ATOSA: variants seen among roughly 807,000 people sequenced by gnomAD.
The protein encoded by ATOSA is atos homolog protein A.
At chr15:52,645,210 A>T in the ATOSA span, among the ~76,000 whole-genome samples, 2 of 152,224 alleles carry the variant, frequency 1.3e-5, no homozygotes, top group African/African-American at 4.8e-5. Flanking sequence ...AGGCCGAGGC[A>T]GGCACATCAC....
the ATOSA span, among the ~76,000 whole-genome samples, chr15:52,675,344 C>T: frequency 6.6e-6 from 1 of 152,118 alleles, no homozygotes; most frequent in Non-Finnish European, 1.5e-5. Context: ...TTGACCAATG[C>T]TCCCCACACC....
the ATOSA span, among the ~76,000 whole-genome samples, chr15:52,655,276 TAGTC>T: frequency 6.6e-6 from 1 of 152,172 alleles, no homozygotes; most frequent in Non-Finnish European, 1.5e-5. Flanking sequence ...TCCCATGTAT[TAGTC>T]ATTCAATAAC....
the ATOSA span, among the ~76,000 whole-genome samples, chr15:52,659,555 T>C: frequency 6.6e-6 from 1 of 152,346 alleles, no homozygotes; most frequent in Non-Finnish European, 1.5e-5. Flanking sequence ...AAGCATCCCA[T>C]GTTGTCAATC....
chr15:52,651,437 C>A, the ATOSA span, among the ~76,000 whole-genome samples: 1 of 152,162 alleles, frequency 6.6e-6, no homozygotes, highest in South Asian at 2.1e-4. Context: ...TTGTCAAATT[C>A]AGAAACATGA....
the ATOSA span, among the ~76,000 whole-genome samples, chr15:52,703,745 G>A: frequency 6.6e-6 from 1 of 152,138 alleles, no homozygotes; most frequent in East Asian, 1.9e-4. Context: ...TAATGTAAAT[G>A]ACGAGTTGAT....
chr15:52,670,618 T>C, the ATOSA span, among the ~76,000 whole-genome samples: 1 of 152,180 alleles, frequency 6.6e-6, no homozygotes, highest in Non-Finnish European at 1.5e-5. Context: ...TTAATCCAAG[T>C]GAATCTCTAG....
At chr15:52,668,643 T>C in the ATOSA span, among the ~76,000 whole-genome samples, 2 of 152,174 alleles carry the variant, frequency 1.3e-5, no homozygotes, top group South Asian at 2.1e-4. Context: ...AACATATATA[T>C]GTATTGGAAC....
the ATOSA span, among the ~76,000 whole-genome samples, chr15:52,634,181 C>T: frequency 6.6e-6 from 1 of 152,078 alleles, no homozygotes; most frequent in African/African-American, 2.4e-5. Flanking sequence ...GCCTGTAATC[C>T]CAGCACTTTG....
the ATOSA span, among the ~76,000 whole-genome samples, chr15:52,683,277 C>T: frequency 6.6e-6 from 1 of 152,154 alleles, no homozygotes; most frequent in African/African-American, 2.4e-5. Context: ...CTCAGAGAAA[C>T]AAGTAACTTT....
the ATOSA span, among the ~76,000 whole-genome samples, chr15:52,593,102 C>T: frequency 6.6e-6 from 1 of 151,528 alleles, no homozygotes; most frequent in African/African-American, 2.4e-5. Context: ...GCTATGACTG[C>T]ACCACTGCAT....
the ATOSA span, among the ~76,000 whole-genome samples, chr15:52,597,165 GTTCTATTCTATTCTA>G: frequency 0.062 from 1,532 of 24,714 alleles, 33 homozygotes; most frequent in Middle Eastern, 0.12. Flanking sequence ...GTTCTGTTCT[GTTCTATTCTATTCTA>G]TTCTATTCTA....
At chr15:52,583,390 G>GTCAT in the ATOSA span, among the ~76,000 whole-genome samples, 15,263 of 150,790 alleles carry the variant, frequency 0.1, 986 homozygotes, top group East Asian at 0.29. Context: ...TTCATACCAT[G>GTCAT]TCATTCATTC....
the ATOSA span, among the ~76,000 whole-genome samples, chr15:52,601,354 AAC>A: frequency 1.3e-5 from 2 of 152,102 alleles, no homozygotes; most frequent in Non-Finnish European, 2.9e-5. Flanking sequence ...GTGTTGAAAA[AAC>A]AGATGACAAA....
chr15:52,605,254 G>T, the ATOSA span: 1 of 1,552,188 alleles, frequency 6.4e-7, no homozygotes, highest in Middle Eastern at 1.7e-4. Flanking sequence ...CCTCTGTTAG[G>T]AAAATAATTA....
the ATOSA span, among the ~76,000 whole-genome samples, chr15:52,689,417 G>A: frequency 6.6e-6 from 1 of 152,110 alleles, no homozygotes; most frequent in Non-Finnish European, 1.5e-5. Context: ...TCTAGCCAAT[G>A]AAATCCACAT....
the ATOSA span, chr15:52,609,892 A>G: frequency 6.2e-7 from 1 of 1,612,386 alleles, no homozygotes; most frequent in Non-Finnish European, 8.5e-7. Context: ...GGAATCAACC[A>G]TTGAAAATGA....
At chr15:52,581,922 T>C in the ATOSA span, 1 of 379,764 alleles carries the variant, frequency 2.6e-6, no homozygotes, top group Non-Finnish European at 4.6e-6. Context: ...GTTTTGCTAT[T>C]GCAACATGTC....
At chr15:52,617,126 C>T in the ATOSA span, among the ~76,000 whole-genome samples, 4 of 152,148 alleles carry the variant, frequency 2.6e-5, no homozygotes, top group Non-Finnish European at 5.9e-5. Flanking sequence ...GGCACTGTGA[C>T]TCTATTTGGA....
At chr15:52,625,079 A>G in the ATOSA span, among the ~76,000 whole-genome samples, 1 of 152,050 alleles carries the variant, frequency 6.6e-6, no homozygotes, top group Non-Finnish European at 1.5e-5. Flanking sequence ...GTGCCTGGCC[A>G]TGTGTACCTG....
Sources: allele counts gnomAD v4.1 joint callset (sites outside exome capture counted in the v4.1 genomes callset), GRCh38; gene constraint gnomAD v4.1.1; transcripts MANE v1.5; gene names NCBI Gene and HGNC (gene_info 2026-07-23, HGNC 2026-07-21).